The following CTNND2 variants were observed in gnomAD, a reference collection of about 807,000 sequenced individuals.
The protein encoded by CTNND2 is catenin delta-2.
Under a neutral mutation model 144.4 loss-of-function variants are expected in CTNND2, and 22 were observed. The ratio of observed to expected loss-of-function variants is 0.15; its 90% CI spans 0.11 to 0.22. CTNND2 has a LOEUF of 0.22. Ranked by LOEUF, CTNND2 falls within the 10% of genes least tolerant of loss-of-function variation. The pLI, the probability that CTNND2 is intolerant of heterozygous loss-of-function variation, is 1.00. For missense variants in CTNND2, 1,353 were observed against 1,618.8 expected, an observed-to-expected ratio of 0.84 and a Z score of 2.82; for synonymous variants, 751 against 695.6, an observed-to-expected ratio of 1.08 and a Z score of -1.25.
At chr5:11,745,804 T>C (rs1788278470) in intron 1 of CTNND2, among the ~76,000 whole-genome samples, 2 of 152,208 alleles carry the variant, frequency 1.3e-5, no homozygotes, top group South Asian at 4.1e-4. Context: ...CTAAATTTAT[T>C]TGAGTGGATC....
At chr5:11,705,297 A>G (rs1435270358) in intron 2 of CTNND2, among the ~76,000 whole-genome samples, 1 of 152,188 alleles carries the variant, frequency 6.6e-6, no homozygotes, top group Admixed American at 6.5e-5. Context: ...CGCCAGCCAG[A>G]ATTCTTCCCC....
chr5:11,632,317 C>T (rs762603951), intron 2 of CTNND2, among the ~76,000 whole-genome samples: 12 of 152,158 alleles, frequency 7.9e-5, no homozygotes, highest in Non-Finnish European at 1.3e-4. Context: ...CTAGCTAAAA[C>T]CAGTCAACCT....
chr5:11,660,289 A>T (rs1783123479), intron 2 of CTNND2, among the ~76,000 whole-genome samples: 4 of 152,156 alleles, frequency 2.6e-5, no homozygotes. Flanking sequence ...AAGGTCTGCT[A>T]TTTGATGAGT....
At chr5:11,496,650 G>A (rs963737813) in intron 3 of CTNND2, among the ~76,000 whole-genome samples, 3 of 152,108 alleles carry the variant, frequency 2.0e-5, no homozygotes, top group African/African-American at 7.2e-5. Context: ...CCTCATTACT[G>A]TCAGTAAAAG....
intron 2 of CTNND2, among the ~76,000 whole-genome samples, chr5:11,574,027 T>G (rs1486278011): frequency 6.6e-6 from 1 of 152,168 alleles, no homozygotes; most frequent in Non-Finnish European, 1.5e-5. Context: ...CAATATTATA[T>G]GGGTGACTCT....
intron 2 of CTNND2, among the ~76,000 whole-genome samples, chr5:11,652,054 CA>C (rs1368570321): frequency 5.3e-5 from 8 of 151,974 alleles, no homozygotes; most frequent in Admixed American, 5.2e-4. Context: ...TGGGAGGGGC[CA>C]GGGGCAGAAT....
At chr5:11,323,924 C>T (rs1752291274) in intron 9 of CTNND2, among the ~76,000 whole-genome samples, 2 of 152,026 alleles carry the variant, frequency 1.3e-5, no homozygotes, top group Non-Finnish European at 1.5e-5. Flanking sequence ...AATGGGGAAT[C>T]ACCCTTGCTT....
intron 20 of CTNND2, chr5:10,986,774 A>G (rs191914800): frequency 8.8e-5 from 38 of 432,494 alleles, no homozygotes; most frequent in African/African-American, 6.8e-4. Context: ...TCCGTTTATT[A>G]TAGTTTTCTT....
At chr5:11,197,237 T>A (rs922901687) in intron 11 of CTNND2, among the ~76,000 whole-genome samples, 1 of 152,220 alleles carries the variant, frequency 6.6e-6, no homozygotes, top group Non-Finnish European at 1.5e-5. Context: ...TTCTGATATG[T>A]TTTTCTTTGA....
At chr5:11,364,047 G>A (rs1224385659) in intron 8 of CTNND2, among the ~76,000 whole-genome samples, 2 of 152,196 alleles carry the variant, frequency 1.3e-5, no homozygotes, top group African/African-American at 4.8e-5. Flanking sequence ...ACATTTGACA[G>A]ATTATGTTGC....
At chr5:11,067,401 G>A (rs995289222) in intron 16 of CTNND2, among the ~76,000 whole-genome samples, 1 of 152,148 alleles carries the variant, frequency 6.6e-6, no homozygotes, top group African/African-American at 2.4e-5. Flanking sequence ...AAATGCTGAA[G>A]AAATACTTTC....
chr5:11,224,559 A>G (rs1046357023), intron 10 of CTNND2, among the ~76,000 whole-genome samples: 3 of 152,150 alleles, frequency 2.0e-5, no homozygotes, highest in Admixed American at 6.5e-5. Flanking sequence ...TGTTAAAGTC[A>G]CTGCCTTCCT....
At chr5:11,532,902 G>A (rs1773877291) in intron 3 of CTNND2, among the ~76,000 whole-genome samples, 1 of 152,176 alleles carries the variant, frequency 6.6e-6, no homozygotes, top group Admixed American at 6.5e-5. Flanking sequence ...GAAGGAGGGA[G>A]GTGGGAAAGA....
At chr5:11,142,623 T>C (rs1756846308) in intron 12 of CTNND2, among the ~76,000 whole-genome samples, 1 of 151,210 alleles carries the variant, frequency 6.6e-6, no homozygotes, top group Non-Finnish European at 1.5e-5. Context: ...TTTTTTTTTT[T>C]TTTTGTTTGA....
At chr5:11,557,920 G>A (rs1442406961) in intron 3 of CTNND2, among the ~76,000 whole-genome samples, 1 of 152,162 alleles carries the variant, frequency 6.6e-6, no homozygotes, top group Non-Finnish European at 1.5e-5. Flanking sequence ...GAGGGAATTA[G>A]CCTAGCGGAA....
At chr5:11,029,037 T>A (rs938544745) in intron 16 of CTNND2, among the ~76,000 whole-genome samples, 3 of 152,244 alleles carry the variant, frequency 2.0e-5, no homozygotes, top group African/African-American at 7.2e-5. Flanking sequence ...CTGAATAATA[T>A]TCCATTGCAT....
chr5:11,094,480 C>CTTT (rs35048441), intron 15 of CTNND2, among the ~76,000 whole-genome samples: 6 of 127,866 alleles, frequency 4.7e-5, no homozygotes, highest in Admixed American at 8.0e-5. Context: ...AGAGTTCTTG[C>CTTT]TTTTTTTTTT....
At chr5:11,360,581 T>C (rs947440261) in intron 8 of CTNND2, among the ~76,000 whole-genome samples, 1 of 152,038 alleles carries the variant, frequency 6.6e-6, no homozygotes, top group African/African-American at 2.4e-5. Flanking sequence ...TGTGATTCCA[T>C]CCAAATCCAC....
At chr5:10,987,537 G>T (rs61751754) in intron 20 of CTNND2, among the ~76,000 whole-genome samples, 37 of 152,094 alleles carry the variant, frequency 2.4e-4, no homozygotes, top group African/African-American at 8.7e-4. Flanking sequence ...AGCTTCTTTG[G>T]GATATGTCAC....
Sources: gnomAD v4.1 joint callset for allele counts (sites outside exome capture counted in the v4.1 genomes callset) on GRCh38, gnomAD v4.1.1 for gene constraint, MANE v1.5 for transcripts, NCBI Gene and HGNC (gene_info 2026-07-23, HGNC 2026-07-21) for gene names.